The following PPIL6 variants were observed in gnomAD, a reference collection of about 807,000 sequenced individuals.
PPIL6 encodes probable inactive peptidyl-prolyl cis-trans isomerase-like 6.
A neutral mutation model predicts 36.8 loss-of-function variants in PPIL6; 39 were observed. The observed-to-expected ratio is 1.06, with a 90% CI of 0.82 to 1.38. The LOEUF (loss-of-function observed/expected upper bound fraction) is 1.38, where lower values mean the gene tolerates loss of function less well. Among genes scored for constraint, PPIL6 ranks in the 40% most tolerant of loss-of-function variants. The probability of loss-of-function intolerance (pLI) is 0.00; values close to 1 mark genes in which losing one functional copy is unlikely to be tolerated. For missense variants in PPIL6, 368 were observed against 379.1 expected (o/e 0.97, Z 0.24); for synonymous variants, 123 against 134.1 (o/e 0.92, Z 0.57).
intron 5 of PPIL6, among the ~76,000 whole-genome samples, chr6:109,419,450 TG>T (rs1043730595): frequency 4.7e-5 from 7 of 148,766 alleles, no homozygotes; most frequent in African/African-American, 1.7e-4. Context: ...CAGCCAGGTA[TG>T]GTAGCTCACG....
intron 5 of PPIL6, among the ~76,000 whole-genome samples, chr6:109,421,870 C>T (rs1773561679): frequency 6.6e-6 from 1 of 151,930 alleles, no homozygotes; most frequent in Non-Finnish European, 1.5e-5. Context: ...GAGACTCTGT[C>T]TCTACAAAAA....
intron 7 of PPIL6, among the ~76,000 whole-genome samples, chr6:109,399,449 C>T (rs898886170): frequency 6.8e-6 from 1 of 147,320 alleles, no homozygotes; most frequent in Non-Finnish European, 1.5e-5. Flanking sequence ...TGTGTCACCC[C>T]GGCTGGAGTG....
chr6:109,414,868 T>A (rs532555818), intron 6 of PPIL6, among the ~76,000 whole-genome samples: 15 of 152,312 alleles, frequency 9.8e-5, no homozygotes, highest in African/African-American at 3.6e-4. Context: ...AGATGCCTTA[T>A]CAATAACATA....
intron 5 of PPIL6, among the ~76,000 whole-genome samples, chr6:109,422,018 A>G (rs1200129721): frequency 1.3e-5 from 2 of 152,158 alleles, no homozygotes; most frequent in Non-Finnish European, 2.9e-5. Flanking sequence ...CTGGGACTAT[A>G]GGCGCATGCC....
chr6:109,421,086 G>A (rs1773520288), intron 5 of PPIL6, among the ~76,000 whole-genome samples: 1 of 152,124 alleles, frequency 6.6e-6, no homozygotes, highest in Non-Finnish European at 1.5e-5. Context: ...AATCCACCCA[G>A]GTGGTCTTCT....
intron 6 of PPIL6, among the ~76,000 whole-genome samples, chr6:109,410,036 C>T (rs748309089): frequency 2.6e-5 from 4 of 151,876 alleles, no homozygotes; most frequent in Admixed American, 2.0e-4. Context: ...GTGTAGGGCC[C>T]GCTTCTCTGA....
At chr6:109,440,259 C>T in intron 1 of PPIL6, 197 bp downstream of exon 1, 1 of 713,272 alleles carries the variant, frequency 1.4e-6, no homozygotes, top group Non-Finnish European at 2.4e-6. Context: ...CGCCCGCCCC[C>T]GGACCCGCAC....
At chr6:109,417,120 T>A (rs945794332) in intron 6 of PPIL6, among the ~76,000 whole-genome samples, 4 of 150,392 alleles carry the variant, frequency 2.7e-5, no homozygotes, top group South Asian at 4.2e-4. Context: ...CCATGAGCTA[T>A]GATCACGCCA....
At chr6:109,419,318 A>C in intron 5 of PPIL6, 75 bp from the exon 6 acceptor site, 1 of 1,048,226 alleles carries the variant, frequency 9.5e-7, no homozygotes, top group Non-Finnish European at 1.5e-6. Context: ...CAGGGAAAAA[A>C]TTTTGCTTTC....
intron 1 of PPIL6, chr6:109,440,250 G>A: frequency 1.5e-6 from 1 of 674,280 alleles, no homozygotes; most frequent in Non-Finnish European, 2.6e-6. Flanking sequence ...CAAGTGGAAC[G>A]CCCGCCCCCG....
At position 109,440,452 on chromosome 6, in the gene PPIL6, T is replaced by C. The variant is rs1470052176; in HGVS notation, c.135+4A>G. 4.5e-6 allele frequency: 7 copies of C among 1,540,446 alleles called. No homozygotes were observed. Among genetic ancestry groups the C allele is most frequent in the Non-Finnish European group, 6.1e-6 (7 of 1,141,692 alleles). On this transcript the variant is annotated splice_donor_region_variant and intron_variant, in intron 1 of 7. Coordinates refer to ENST00000521072, the MANE Select transcript of PPIL6 (RefSeq NM_173672.5). ...GCCCACGACGGAGGTTTCTCTGTGG[T>C]TACCTCAGCGGCGCTCTTCGCAATC...
At chr6:109,426,797 C>T (rs1180732194) in intron 5 of PPIL6, 50 bp downstream of exon 5, 3 of 1,249,038 alleles carry the variant, frequency 2.4e-6, no homozygotes, top group East Asian at 2.4e-5. Context: ...AAAGTTTGGA[C>T]CTTCTCATTT....
chr6:109,402,986 T>G, intron 6 of PPIL6: 1 of 1,255,598 alleles, frequency 8.0e-7, no homozygotes, highest in Non-Finnish European at 1.1e-6. Context: ...CGTGTTATTT[T>G]GTTCTGCCGT....
chr6:109,419,387 C>G, intron 5 of PPIL6, 144 bp from the exon 6 acceptor site: 1 of 584,752 alleles, frequency 1.7e-6, no homozygotes, highest in Non-Finnish European at 3.1e-6. Context: ...TTGAGACCAG[C>G]CTGGGCAACA....
intron 6 of PPIL6, among the ~76,000 whole-genome samples, chr6:109,405,742 C>T: frequency 6.6e-6 from 1 of 152,140 alleles, no homozygotes; most frequent in East Asian, 1.9e-4. Flanking sequence ...TACCCTGGAG[C>T]TGTTCTGAGC....
intron 6 of PPIL6, chr6:109,403,246 C>G (rs1582534340): frequency 4.1e-6 from 2 of 484,520 alleles, no homozygotes; most frequent in Middle Eastern, 5.5e-4. Flanking sequence ...GCTGGGACTA[C>G]AGGTGTGTGC....
chr6:109,401,364 G>C (rs1471762076), intron 6 of PPIL6, among the ~76,000 whole-genome samples: 1 of 152,160 alleles, frequency 6.6e-6, no homozygotes, highest in African/African-American at 2.4e-5. Flanking sequence ...AATAATGGAT[G>C]AGAAATTCAG....
intron 6 of PPIL6, among the ~76,000 whole-genome samples, chr6:109,409,435 G>T (rs1016967971): frequency 9.2e-5 from 14 of 152,020 alleles, no homozygotes; most frequent in Non-Finnish European, 1.9e-4. Flanking sequence ...AGGGCGGCAG[G>T]TGCCTGTAAT....
At chr6:109,422,939 A>G (rs954180161) in intron 5 of PPIL6, among the ~76,000 whole-genome samples, 1 of 152,206 alleles carries the variant, frequency 6.6e-6, no homozygotes, top group African/African-American at 2.4e-5. Context: ...ACTTTCATTC[A>G]TATCTCTTAA....
Sources: gnomAD v4.1 joint callset for allele counts (sites outside exome capture counted in the v4.1 genomes callset) on GRCh38, gnomAD v4.1.1 for gene constraint, MANE v1.5 for transcripts, NCBI Gene and HGNC (gene_info 2026-07-23, HGNC 2026-07-21) for gene names.